UNC13C: variants seen among roughly 807,000 people sequenced by gnomAD.
The protein encoded by UNC13C is protein unc-13 homolog C.
UNC13C carries 174 observed loss-of-function variants against 245.4 expected under a neutral mutation model. The observed-to-expected ratio is 0.71, with a 90% CI of 0.63 to 0.80. The LOEUF is 0.80. Ranked by LOEUF, UNC13C falls within the 30% of genes least tolerant of loss-of-function variation. The probability of loss-of-function intolerance (pLI) is 0.00; values close to 1 mark genes in which losing one functional copy is unlikely to be tolerated. For synonymous variants in UNC13C, 992 were observed against 895.1 expected (o/e 1.11, Z -1.93); for missense variants, 2,829 against 2,602.9 (o/e 1.09, Z -1.89).
chr15:54,417,314 T>C (rs949303304), intron 19 of UNC13C, among the ~76,000 whole-genome samples: 29 of 152,140 alleles, frequency 1.9e-4, no homozygotes, highest in African/African-American at 7.0e-4. Flanking sequence ...GTGACCGTCT[T>C]TTGCTGTGTG....
intron 4 of UNC13C, among the ~76,000 whole-genome samples, chr15:54,162,410 C>A (rs2033013233): frequency 6.6e-6 from 1 of 152,154 alleles, no homozygotes; most frequent in Admixed American, 6.5e-5. Context: ...AATACCTGGG[C>A]AGCTCTTGCA....
intron 30 of UNC13C, among the ~76,000 whole-genome samples, chr15:54,571,604 C>G (rs1302924140): frequency 1.3e-5 from 2 of 152,140 alleles, no homozygotes; most frequent in Admixed American, 1.3e-4. Context: ...GTTATTTTAA[C>G]TTAGATTTTG....
chr15:53,860,854 G>C, the UNC13C span, among the ~76,000 whole-genome samples: 1 of 152,068 alleles, frequency 6.6e-6, no homozygotes, highest in Non-Finnish European at 1.5e-5. Flanking sequence ...TGCTATTATT[G>C]ATGCATCTTC....
chr15:54,267,219 A>G (rs1034016733), intron 10 of UNC13C, among the ~76,000 whole-genome samples: 3 of 145,038 alleles, frequency 2.1e-5, no homozygotes, highest in Admixed American at 1.3e-4. Context: ...GAATAGCTGA[A>G]TCACGTATTC....
chr15:54,079,538 G>T (rs907248065), intron 2 of UNC13C, among the ~76,000 whole-genome samples: 2 of 151,904 alleles, frequency 1.3e-5, no homozygotes, highest in Non-Finnish European at 2.9e-5. Context: ...TTGGTTAGAT[G>T]TATTCCTGGG....
chr15:54,301,289 GTTT>G (rs10548904), intron 13 of UNC13C, among the ~76,000 whole-genome samples: 22,902 of 140,366 alleles, frequency 0.16, 1,826 homozygotes, highest in Admixed American at 0.22. Context: ...ATTTTCTTTT[GTTT>G]TTTTTTTTTT....
chr15:54,102,262 A>G lies in UNC13C; in HGVS notation c.2984-40756A>G, dbSNP rs796105543. Among the ~76,000 whole-genome samples the G allele has an allele frequency of 1.6e-4, 24 of 152,124 alleles. 1 individual carries two copies. The highest frequency in any genetic ancestry group is 5.8e-4 in the African/African-American group (24 of 41,480). ...ACTTCTGCCAGATCCTTCTTAATAC[A>G]GTGGACTGAGAGCTAGACACACAGT... On this transcript the variant is annotated intron_variant, in intron 2 of 32. Transcript: ENST00000260323.
intron 17 of UNC13C, among the ~76,000 whole-genome samples, chr15:54,359,081 G>T (rs2039167365): frequency 6.6e-6 from 1 of 151,400 alleles, no homozygotes; most frequent in Admixed American, 6.6e-5. Context: ...ATTCATATTT[G>T]ATTTTTTGTT....
At chr15:53,976,442 G>GT (rs199931417), upstream of UNC13C, among the ~76,000 whole-genome samples, 1,273 of 96,682 alleles carry the variant, frequency 0.013, 26 homozygotes, top group African/African-American at 0.041. Context: ...CATACATGGT[G>GT]TTTTTTTTTC....
At chr15:54,499,991 T>TA in intron 20 of UNC13C, 88 bp from the exon 21 acceptor site, 1 of 954,708 alleles carries the variant, frequency 1.0e-6, no homozygotes. Flanking sequence ...GATTCTAAAT[T>TA]ACTCTCATAT....
chr15:54,630,092 A>ATCT (rs1439951560), downstream of UNC13C: 4 of 152,212 alleles, frequency 2.6e-5, no homozygotes, highest in African/African-American at 9.6e-5. Context: ...CAATTTATTC[A>ATCT]TCTTATTCTA....
Position 54,107,264 on chromosome 15 carries a change from A to C in UNC13C, c.2984-35754A>C, listed in dbSNP as rs563039173. ...TAATTGAGCTAAATACAGCTGAAAA[A>C]ATGAGGGCTACCTAGGTATGAGGGG... is the stretch of plus-strand genomic sequence containing the variant. On this transcript the variant is annotated intron_variant, in intron 2 of 32. Transcript: ENST00000260323. Among the ~76,000 whole-genome samples the C allele has an allele frequency of 2.6e-5, 4 of 152,150 alleles. No individual in the cohort carries two copies. The East Asian group carries it at 7.7e-4, about 29-fold the overall frequency.
chr15:54,239,657 G>C (rs1236944521), intron 7 of UNC13C, among the ~76,000 whole-genome samples: 2 of 151,954 alleles, frequency 1.3e-5, no homozygotes, highest in Admixed American at 6.6e-5. Context: ...TCACTCTGTT[G>C]CCCAGGCTGG....
chr15:54,025,903 ATCT>A (rs779024800), intron 2 of UNC13C, among the ~76,000 whole-genome samples: 60 of 152,264 alleles, frequency 3.9e-4, no homozygotes, highest in African/African-American at 1.3e-3. Flanking sequence ...CTTGAATATA[ATCT>A]TCTTATTTCC....
At chr15:53,855,889 T>C in the UNC13C span, among the ~76,000 whole-genome samples, 8 of 152,156 alleles carry the variant, frequency 5.3e-5, no homozygotes, top group African/African-American at 1.9e-4. Flanking sequence ...TTTGTACCTC[T>C]GGTAGAATTC....
intron 19 of UNC13C, among the ~76,000 whole-genome samples, chr15:54,418,898 T>G (rs2040577378): frequency 6.6e-6 from 1 of 152,104 alleles, no homozygotes; most frequent in Admixed American, 6.6e-5. Flanking sequence ...AGTTCCTCTT[T>G]CACACTTATA....
chr15:53,927,867 C>A, the UNC13C span, among the ~76,000 whole-genome samples: 1 of 152,162 alleles, frequency 6.6e-6, no homozygotes, highest in Admixed American at 6.5e-5. Context: ...CAGCTACCAT[C>A]ATGTCTCTAA....
intron 4 of UNC13C, among the ~76,000 whole-genome samples, chr15:54,231,579 C>T (rs144247635): frequency 2.0e-5 from 3 of 152,114 alleles, no homozygotes; most frequent in African/African-American, 7.2e-5. Flanking sequence ...AATGAGTTAA[C>T]ATAAGTAAAG....
At chr15:54,204,262 C>T (rs1291061118) in intron 4 of UNC13C, among the ~76,000 whole-genome samples, 3 of 145,890 alleles carry the variant, frequency 2.1e-5, no homozygotes, top group Non-Finnish European at 3.0e-5. Flanking sequence ...TAACCAAACA[C>T]CACTTGTTCC....
Sources: allele counts gnomAD v4.1 joint callset (sites outside exome capture counted in the v4.1 genomes callset), GRCh38; gene constraint gnomAD v4.1.1; transcripts MANE v1.5; gene names NCBI Gene and HGNC (gene_info 2026-07-23, HGNC 2026-07-21).